Variants in ACSM2B observed in about 807,000 individuals in gnomAD.
The protein encoded by ACSM2B is acyl-coenzyme A synthetase ACSM2B, mitochondrial.
Under a neutral mutation model 78.6 loss-of-function variants are expected in ACSM2B, and 58 were observed. The observed-to-expected ratio is 0.74, with a 90% CI of 0.60 to 0.92. The LOEUF is 0.92. Among genes scored for constraint, ACSM2B ranks in the 40% least tolerant of loss-of-function variants. The pLI is 0.00. For missense variants in ACSM2B, 688 were observed against 711.2 expected (o/e 0.97, Z 0.37); for synonymous variants, 257 against 256.8 (o/e 1.00, Z -0.01).
At chr16:20,575,483 G>C (rs1030932519) in intron 1 of ACSM2B, 3 of 151,840 alleles carry the variant, frequency 2.0e-5, no homozygotes, top group Non-Finnish European at 4.4e-5. Flanking sequence ...GCCAGTTTGA[G>C]TTCCAAAACT....
intron 1 of ACSM2B, among the ~76,000 whole-genome samples, chr16:20,566,338 G>A (rs1241720102): frequency 4.8e-5 from 6 of 125,634 alleles, no homozygotes; most frequent in South Asian, 2.4e-4. Flanking sequence ...ATGAAGAAAG[G>A]CACAGGAGCA....
At chr16:20,571,540 T>C (rs552568995) in intron 1 of ACSM2B, among the ~76,000 whole-genome samples, 62 of 150,302 alleles carry the variant, frequency 4.1e-4, no homozygotes, top group Admixed American at 4.1e-3. Context: ...AAAATGTGTA[T>C]TCCATGGTTG....
intron 12 of ACSM2B, chr16:20,542,482 A>T (rs2015022248): frequency 5.5e-6 from 1 of 181,252 alleles, no homozygotes; most frequent in Admixed American, 5.4e-5. Context: ...TATATACCAC[A>T]TATTATTTAT....
chr16:20,564,089 T>G (rs1407533015), intron 2 of ACSM2B, among the ~76,000 whole-genome samples: 5 of 152,106 alleles, frequency 3.3e-5, no homozygotes, highest in African/African-American at 1.2e-4. Flanking sequence ...AGACTCAGTC[T>G]TTGTTCAGTG....
At chr16:20,574,952 T>C (rs1333661607) in intron 1 of ACSM2B, among the ~76,000 whole-genome samples, 17 of 145,776 alleles carry the variant, frequency 1.2e-4, no homozygotes, top group Admixed American at 2.7e-4. Flanking sequence ...GTTCCTTAGT[T>C]CTCCACATAT....
At chr16:20,552,112 G>A (rs2015328048) in intron 6 of ACSM2B, 32 bp downstream of exon 6, 21 of 1,567,804 alleles carry the variant, frequency 1.3e-5, no homozygotes, top group Non-Finnish European at 1.8e-5. Flanking sequence ...GGCTCACTCT[G>A]AATAACTGCT....
chr16:20,547,805 C>T (rs993608104), intron 8 of ACSM2B: 3 of 1,032,756 alleles, frequency 2.9e-6, no homozygotes, highest in African/African-American at 1.6e-5. Flanking sequence ...TTCTCACCAC[C>T]TGCCATGCTA....
At chr16:20,543,765 TA>T (rs1049775612) in intron 10 of ACSM2B, among the ~76,000 whole-genome samples, 2 of 151,696 alleles carry the variant, frequency 1.3e-5, no homozygotes, top group African/African-American at 4.9e-5. Flanking sequence ...TGCTTATAAG[TA>T]ATGAAAAGGC....
intron 12 of ACSM2B, 150 bp downstream of exon 12, chr16:20,542,764 T>C: frequency 9.7e-7 from 1 of 1,031,356 alleles, no homozygotes; most frequent in Admixed American, 2.7e-5. Context: ...AGAGGCCAAG[T>C]AGCTTACCCA....
intron 5 of ACSM2B, 80 bp downstream of exon 5, chr16:20,553,697 C>G (rs2015383508): frequency 1.3e-6 from 2 of 1,561,334 alleles, no homozygotes; most frequent in Non-Finnish European, 1.7e-6. Flanking sequence ...TGACACAGCC[C>G]AGGAGCATTG....
chr16:20,573,452 A>T (rs1015741490), intron 1 of ACSM2B, among the ~76,000 whole-genome samples: 17 of 148,982 alleles, frequency 1.1e-4, no homozygotes, highest in Admixed American at 1.1e-3. Context: ...TTAGGGAGAG[A>T]ATGCTGTCAC....
chr16:20,543,081 A>G, intron 11 of ACSM2B, 54 bp downstream of exon 11: 1 of 1,613,302 alleles, frequency 6.2e-7, no homozygotes, highest in South Asian at 1.1e-5. Context: ...GAAGTCTGGA[A>G]CCAGCCAGAG....
intron 10 of ACSM2B, chr16:20,544,679 A>C: frequency 1.0e-6 from 1 of 984,648 alleles, no homozygotes; most frequent in Non-Finnish European, 1.2e-6. Context: ...CTGTCAAGTG[A>C]GGTGGCCAGA....
chr16:20,575,682 T>A (rs1211240291), intron 1 of ACSM2B: 1 of 148,394 alleles, frequency 6.7e-6, no homozygotes, highest in Admixed American at 6.8e-5. Context: ...ACTCAAATGT[T>A]AATCTCTTTT....
At chr16:20,549,590 T>C (rs1435633814) in intron 6 of ACSM2B, 1 of 256,562 alleles carries the variant, frequency 3.9e-6, no homozygotes, top group Non-Finnish European at 7.8e-6. Context: ...AGTTTGTTGA[T>C]GAAAGGAGCC....
intron 1 of ACSM2B, among the ~76,000 whole-genome samples, chr16:20,565,861 C>T (rs546206463): frequency 6.6e-6 from 1 of 152,020 alleles, no homozygotes; most frequent in Non-Finnish European, 1.5e-5. Context: ...GTGTCATACT[C>T]ATGACTTTGC....
At chr16:20,565,551 CTAA>C (rs1337926049) in intron 1 of ACSM2B, among the ~76,000 whole-genome samples, 1 of 152,098 alleles carries the variant, frequency 6.6e-6, no homozygotes, top group Non-Finnish European at 1.5e-5. Context: ...CAAATGTTAA[CTAA>C]TACAAGTAGC....
At chr16:20,558,833 T>C (rs2015553761) in intron 3 of ACSM2B, among the ~76,000 whole-genome samples, 1 of 152,244 alleles carries the variant, frequency 6.6e-6, no homozygotes, top group Non-Finnish European at 1.5e-5. Context: ...GGCATAGCTG[T>C]GTTATAATAA....
At chr16:20,572,000 T>G (rs1280783044) in intron 1 of ACSM2B, among the ~76,000 whole-genome samples, 1 of 150,848 alleles carries the variant, frequency 6.6e-6, no homozygotes, top group Non-Finnish European at 1.5e-5. Context: ...AGTAGATACT[T>G]GGTTGGCATA....
Sources: allele counts gnomAD v4.1 joint callset (sites outside exome capture counted in the v4.1 genomes callset), GRCh38; gene constraint gnomAD v4.1.1; transcripts MANE v1.5; gene names NCBI Gene and HGNC (gene_info 2026-07-23, HGNC 2026-07-21).